RASGRF2: variants seen among roughly 807,000 people sequenced by gnomAD.
The protein encoded by RASGRF2 is ras-specific guanine nucleotide-releasing factor 2.
A neutral mutation model predicts 151.0 loss-of-function variants in RASGRF2; 76 were observed. The ratio of observed to expected loss-of-function variants is 0.50; its 90% confidence interval spans 0.42 to 0.61. The LOEUF (loss-of-function observed/expected upper bound fraction) is 0.61, where lower values mean the gene tolerates loss of function less well. Among genes scored for constraint, RASGRF2 ranks in the 20% least tolerant of loss-of-function variants. RASGRF2 has a pLI of 0.00. For synonymous variants in RASGRF2, 504 were observed against 566.5 expected (o/e 0.89, Z 1.57); for missense variants, 1,148 against 1,564.6 (o/e 0.73, Z 4.49).
intron 17 of RASGRF2, among the ~76,000 whole-genome samples, chr5:81,129,876 G>T (rs2112577741): frequency 6.6e-6 from 1 of 152,288 alleles, no homozygotes; most frequent in Non-Finnish European, 1.5e-5. Flanking sequence ...TAAATTTGGG[G>T]TTTATTTGAG....
At chr5:81,181,741 G>A (rs1754921537) in intron 18 of RASGRF2, among the ~76,000 whole-genome samples, 1 of 152,058 alleles carries the variant, frequency 6.6e-6, no homozygotes, top group African/African-American at 2.4e-5. Flanking sequence ...AGGCTGAGCT[G>A]GTTCTCTCCC....
chr5:81,076,999 A>G (rs1264820018), intron 5 of RASGRF2, among the ~76,000 whole-genome samples: 2 of 152,180 alleles, frequency 1.3e-5, no homozygotes, highest in Non-Finnish European at 2.9e-5. Flanking sequence ...GAAGTGAGAA[A>G]AGAATAAGGA....
At chr5:81,176,318 C>T (rs551328024) in intron 17 of RASGRF2, among the ~76,000 whole-genome samples, 6 of 152,288 alleles carry the variant, frequency 3.9e-5, no homozygotes, top group African/African-American at 1.4e-4. Flanking sequence ...CATAGATCCA[C>T]CCCCAAGAAG....
chr5:81,047,565 C>G (rs776611018), intron 2 of RASGRF2, among the ~76,000 whole-genome samples: 4 of 152,132 alleles, frequency 2.6e-5, no homozygotes, highest in Non-Finnish European at 5.9e-5. Context: ...GCAGGCAGAT[C>G]GTAGGTTTTC....
intron 1 of RASGRF2, among the ~76,000 whole-genome samples, chr5:81,036,594 G>A (rs392422): frequency 0.95 from 144,816 of 152,228 alleles, 69,059 homozygotes; most frequent in African/African-American, 0.99. Context: ...ATTTAAATAT[G>A]TCTGTGCCAC....
chr5:81,194,179 T>TAA (rs34067957), intron 18 of RASGRF2, among the ~76,000 whole-genome samples: 15,648 of 130,860 alleles, frequency 0.12, 931 homozygotes, highest in East Asian at 0.2. Flanking sequence ...GCCCCATCTC[T>TAA]AAAAAAAAAA....
chr5:81,109,643 A>T (rs967396833), intron 13 of RASGRF2, among the ~76,000 whole-genome samples: 1 of 152,156 alleles, frequency 6.6e-6, no homozygotes. Context: ...TTCAGCCTGG[A>T]CAACAGTGCA....
chr5:81,204,239 T>C (rs904749239), intron 19 of RASGRF2: 1 of 152,170 alleles, frequency 6.6e-6, no homozygotes, highest in South Asian at 2.1e-4. Flanking sequence ...CTTTTCTCTA[T>C]TGGAACTGAA....
intron 2 of RASGRF2, among the ~76,000 whole-genome samples, chr5:81,056,499 G>T (rs889902834): frequency 1.3e-5 from 2 of 152,180 alleles, no homozygotes; most frequent in Non-Finnish European, 2.9e-5. Context: ...GAGACAGTTT[G>T]TTATAACTTC....
At chr5:81,145,642 G>A (rs1328555345) in intron 17 of RASGRF2, among the ~76,000 whole-genome samples, 3 of 152,054 alleles carry the variant, frequency 2.0e-5, no homozygotes, top group Non-Finnish European at 4.4e-5. Context: ...GAGGAGAGTC[G>A]CACAGGGGAA....
intron 1 of RASGRF2, chr5:80,997,097 T>C (rs539188990): frequency 6.6e-6 from 1 of 152,346 alleles, no homozygotes; most frequent in Non-Finnish European, 1.5e-5. Flanking sequence ...TTGAGGCTAC[T>C]TTCTTCACAT....
At chr5:81,220,756 C>CT (rs1481171684) in intron 26 of RASGRF2, among the ~76,000 whole-genome samples, 11 of 152,356 alleles carry the variant, frequency 7.2e-5, no homozygotes, top group Non-Finnish European at 1.5e-4. Flanking sequence ...GTGTGAGCCA[C>CT]TGCTCTCAGC....
At chr5:81,062,169 A>G (rs1011522202) in intron 2 of RASGRF2, among the ~76,000 whole-genome samples, 4 of 152,034 alleles carry the variant, frequency 2.6e-5, no homozygotes, top group African/African-American at 9.7e-5. Flanking sequence ...TGCATTTATT[A>G]GTCATTTGTT....
intron 5 of RASGRF2, among the ~76,000 whole-genome samples, chr5:81,074,844 G>A (rs893299961): frequency 8.5e-5 from 13 of 152,200 alleles, no homozygotes; most frequent in South Asian, 2.1e-4. Context: ...GCGTGCAGGG[G>A]ACATGGGGCT....
intron 18 of RASGRF2, among the ~76,000 whole-genome samples, chr5:81,191,716 C>T (rs1755155780): frequency 6.6e-6 from 1 of 151,752 alleles, no homozygotes; most frequent in African/African-American, 2.4e-5. Context: ...TTTAAACTGA[C>T]TGATTCCCTT....
chr5:81,156,800 C>T (rs1754269524), intron 17 of RASGRF2, among the ~76,000 whole-genome samples: 2 of 152,106 alleles, frequency 1.3e-5, no homozygotes, highest in Non-Finnish European at 2.9e-5. Context: ...TTCTATTCAA[C>T]ATTGCGCTGG....
At chr5:81,044,947 T>C (rs1378034189) in intron 2 of RASGRF2, among the ~76,000 whole-genome samples, 1 of 152,172 alleles carries the variant, frequency 6.6e-6, no homozygotes, top group East Asian at 1.9e-4. Flanking sequence ...CTTTTCTTTC[T>C]CTGAGATGCA....
intron 1 of RASGRF2, among the ~76,000 whole-genome samples, chr5:81,039,799 T>C (rs1281037388): frequency 6.6e-6 from 1 of 152,184 alleles, no homozygotes; most frequent in Non-Finnish European, 1.5e-5. Context: ...ATTGCTTATA[T>C]TTTTCCCACA....
chr5:81,057,080 A>T (rs1472008748), intron 2 of RASGRF2, among the ~76,000 whole-genome samples: 1 of 152,106 alleles, frequency 6.6e-6, no homozygotes, highest in Non-Finnish European at 1.5e-5. Context: ...TGTTGACTCT[A>T]TCCAATTTGC....
Sources: allele counts gnomAD v4.1 joint callset (sites outside exome capture counted in the v4.1 genomes callset), GRCh38; gene constraint gnomAD v4.1.1; transcripts MANE v1.5; gene names NCBI Gene and HGNC (gene_info 2026-07-23, HGNC 2026-07-21).